Variants in MIPOL1 observed in about 807,000 individuals in gnomAD.
MIPOL1 encodes the protein mirror-image polydactyly gene 1 protein.
A neutral mutation model predicts 60.9 loss-of-function variants in MIPOL1; 57 were observed. The observed-to-expected ratio is 0.94, with a 90% CI of 0.76 to 1.17. The LOEUF (loss-of-function observed/expected upper bound fraction) is 1.17. Ranked by LOEUF, MIPOL1 falls within the 50% of genes most tolerant of loss-of-function variation. The pLI is 0.00. For synonymous variants in MIPOL1, 179 were observed against 168.8 expected (o/e 1.06, Z -0.47); for missense variants, 551 against 511.6 (o/e 1.08, Z -0.74).
chr14:37,493,972 T>C lies in MIPOL1; in HGVS notation c.1032-5936T>C, dbSNP rs536264586. The stretch of plus-strand genomic sequence containing the variant: ...AAATGCACCTGAAAATTAGTAACTT[T>C]GGAAAGAGGGTAAATGTAATATGTC... On this transcript the variant is annotated intron_variant, in intron 11 of 12. Coordinates refer to ENST00000684589, the MANE Select transcript of MIPOL1 (RefSeq NM_001388067.1). 2.2e-4 allele frequency among the ~76,000 whole-genome samples: 34 copies of C among 152,312 alleles called. 2 individuals carry two copies. The South Asian group carries it at 6.6e-3, about 30-fold the overall frequency.
chr14:37,436,787 T>C (rs989386154), intron 11 of MIPOL1, among the ~76,000 whole-genome samples: 3 of 152,204 alleles, frequency 2.0e-5, no homozygotes, highest in Admixed American at 2.0e-4. Context: ...TATCCCAAAA[T>C]GATGAATGTT....
intron 9 of MIPOL1, among the ~76,000 whole-genome samples, chr14:37,360,214 C>T (rs898100524): frequency 2.0e-5 from 3 of 152,044 alleles, no homozygotes; most frequent in African/African-American, 7.2e-5. Flanking sequence ...CTGCTGGATT[C>T]GGTTTGCCAG....
chr14:37,351,832 G>T (rs2091414994), intron 9 of MIPOL1, among the ~76,000 whole-genome samples: 1 of 147,288 alleles, frequency 6.8e-6, no homozygotes, highest in African/African-American at 2.5e-5. Flanking sequence ...TGAGTAGGTT[G>T]TGAAAATTTT....
chr14:37,226,086 G>T (rs1385957986), intron 1 of MIPOL1, among the ~76,000 whole-genome samples: 5 of 152,040 alleles, frequency 3.3e-5, no homozygotes, highest in Non-Finnish European at 7.4e-5. Context: ...TGTCCATATT[G>T]CTGTCAGCAT....
At chr14:37,527,492 C>T (rs984422286) in intron 12 of MIPOL1, among the ~76,000 whole-genome samples, 18 of 152,026 alleles carry the variant, frequency 1.2e-4, no homozygotes, top group Admixed American at 8.5e-4. Flanking sequence ...ATTTGTTTAT[C>T]TTAGCAAATA....
intron 11 of MIPOL1, among the ~76,000 whole-genome samples, chr14:37,456,139 T>G (rs1406259318): frequency 1.6e-4 from 25 of 152,028 alleles, no homozygotes; most frequent in Non-Finnish European, 3.5e-4. Flanking sequence ...GAAGTTATCA[T>G]ACTCGTTGCA....
chr14:37,206,227 A>C (rs1966069608), intron 1 of MIPOL1, among the ~76,000 whole-genome samples: 2 of 152,108 alleles, frequency 1.3e-5, no homozygotes. Context: ...ATGTCCAAGG[A>C]CTTGGTACCC....
chr14:37,440,914 C>T (rs2094233834), intron 11 of MIPOL1, among the ~76,000 whole-genome samples: 1 of 152,090 alleles, frequency 6.6e-6, no homozygotes, highest in Non-Finnish European at 1.5e-5. Flanking sequence ...TGCCAATTCA[C>T]CAACATGTTA....
At chr14:37,353,892 G>C (rs1207870240) in intron 9 of MIPOL1, among the ~76,000 whole-genome samples, 2 of 151,830 alleles carry the variant, frequency 1.3e-5, no homozygotes, top group Non-Finnish European at 2.9e-5. Flanking sequence ...ATGGTTTTTT[G>C]TGTCTCTATT....
chr14:37,340,674 G>A lies in MIPOL1; in HGVS notation c.829-28843G>A, dbSNP rs1410739466. Among the ~76,000 whole-genome samples, 3 of 150,828 alleles carry A rather than the reference G, an allele frequency of 2.0e-5. No individual in the cohort carries two copies. The East Asian group carries it at 5.8e-4, about 29-fold the overall frequency. On this transcript the variant is annotated intron_variant, in intron 9 of 12. Coordinates refer to ENST00000684589, the MANE Select transcript of MIPOL1 (RefSeq NM_001388067.1). ...TGATCATGCCACCACACTCAGCCTTGGTGACAGAGACCCTGTCTCAAAAAA... is the reference window on the plus strand; with the variant it reads ...TGATCATGCCACCACACTCAGCCTTAGTGACAGAGACCCTGTCTCAAAAAA...
intron 11 of MIPOL1, among the ~76,000 whole-genome samples, chr14:37,448,972 C>A (rs1448433874): frequency 1.3e-5 from 2 of 152,130 alleles, no homozygotes; most frequent in African/African-American, 2.4e-5. Context: ...TATTTTTACA[C>A]AACTCTTCAA....
intron 9 of MIPOL1, among the ~76,000 whole-genome samples, chr14:37,360,083 G>C (rs979926075): frequency 2.6e-5 from 4 of 152,108 alleles, no homozygotes; most frequent in African/African-American, 9.7e-5. Flanking sequence ...ACAATCATGT[G>C]GTTTTTGTCA....
chr14:37,304,615 T>C (rs1489523159), intron 7 of MIPOL1, among the ~76,000 whole-genome samples: 1 of 151,836 alleles, frequency 6.6e-6, no homozygotes, highest in Non-Finnish European at 1.5e-5. Flanking sequence ...AATTTGTTTA[T>C]CATTGGAGGT....
intron 11 of MIPOL1, among the ~76,000 whole-genome samples, chr14:37,445,253 A>G (rs1450527160): frequency 2.0e-5 from 3 of 152,130 alleles, no homozygotes; most frequent in Non-Finnish European, 2.9e-5. Flanking sequence ...TCAATGTACA[A>G]AAATCACAAG....
intron 1 of MIPOL1, among the ~76,000 whole-genome samples, chr14:37,203,924 A>G (rs1355312840): frequency 6.6e-6 from 1 of 152,154 alleles, no homozygotes; most frequent in African/African-American, 2.4e-5. Flanking sequence ...CTGGGACTGC[A>G]GGCACATGCC....
rs562105408 is a variant in MIPOL1, at chr14:37,548,885, T to A, written c.*1914T>A. The A allele has an allele frequency of 2.0e-5, 3 of 152,090 alleles. No homozygotes were observed. Among genetic ancestry groups the A allele is most frequent in the East Asian group, 3.9e-4 (2 of 5,190 alleles). The allele number at this position is 152,090 out of a possible 1,614,324, so 9.4% of individuals were successfully genotyped here. ...AATTCCTATAATTAATATGCAGAAC[T>A]TTTATAGAATATGATATTATAAAGT... On this transcript the variant is annotated 3_prime_UTR_variant, in exon 13 of 13. Transcript: ENST00000684589.
At chr14:37,422,754 T>C (rs929080375) in intron 10 of MIPOL1, 101 bp from the exon 11 acceptor site, 2 of 723,296 alleles carry the variant, frequency 2.8e-6, no homozygotes, top group Non-Finnish European at 4.5e-6. Context: ...AGGTTTTTTT[T>C]TTTAACTGTC....
chr14:37,332,015 G>A (rs1425115651), intron 9 of MIPOL1, among the ~76,000 whole-genome samples: 1 of 152,142 alleles, frequency 6.6e-6, no homozygotes, highest in African/African-American at 2.4e-5. Flanking sequence ...GCAGGTGCCT[G>A]TAATCCCAGC....
Position 37,548,005 on chromosome 14 carries a change from A to G in MIPOL1, c.*1034A>G, listed in dbSNP as rs1328670120. 2 of 152,100 alleles carry G rather than the reference A, an allele frequency of 1.3e-5. No individual in the cohort carries two copies. The highest frequency in any genetic ancestry group is 4.8e-5 in the African/African-American group (2 of 41,454). 9.4% of individuals were successfully genotyped at this position (152,100 alleles called of 1,614,324 possible). A position where few individuals can be genotyped will look rare whatever the true frequency, so the allele number is the denominator to read the frequency against. On this transcript the variant is annotated 3_prime_UTR_variant, in exon 13 of 13. Coordinates refer to ENST00000684589, the MANE Select transcript of MIPOL1 (RefSeq NM_001388067.1). ...AGCAGTCATATGAAGTTATGAATAG[A>G]ACTGAGATTTTTATGTAATTAGTTA...
Sources: allele counts gnomAD v4.1 joint callset (sites outside exome capture counted in the v4.1 genomes callset), GRCh38; gene constraint gnomAD v4.1.1; transcripts MANE v1.5; gene names NCBI Gene and HGNC (gene_info 2026-07-23, HGNC 2026-07-21).